STK38L: variants seen among roughly 807,000 people sequenced by gnomAD.
STK38L encodes the protein serine/threonine-protein kinase 38-like.
A neutral mutation model predicts 59.7 loss-of-function variants in STK38L; 28 were observed. That is an observed-to-expected ratio of 0.47 (90% CI 0.35 to 0.64). STK38L has a LOEUF of 0.64. Ranked by LOEUF, STK38L falls within the 30% of genes least tolerant of loss-of-function variation. STK38L has a pLI of 0.01. For missense variants in STK38L, 314 were observed against 555.8 expected (o/e 0.56, Z 4.37); for synonymous variants, 162 against 176.8 (o/e 0.92, Z 0.66).
At chr12:27,288,579 T>G (rs1943829314) in intron 1 of STK38L, among the ~76,000 whole-genome samples, 1 of 152,100 alleles carries the variant, frequency 6.6e-6, no homozygotes, top group South Asian at 2.1e-4. Flanking sequence ...CTGTAATATC[T>G]GTCTTTCCCC....
At chr12:27,293,875 C>G (rs1943950858) in intron 1 of STK38L, 1 of 152,156 alleles carries the variant, frequency 6.6e-6, no homozygotes, top group African/African-American at 2.4e-5. Context: ...GGGTCTTTAC[C>G]TTTTGTTAAG....
rs1190851075 is a variant in STK38L, at chr12:27,317,951, C to T, written c.1011C>T (p.Asn337=). ...TPQETYRKVM[N]WKETLVFPPE... is the part of the protein sequence containing the mutation. Reference sequence around the variant, plus strand: ...AAGAAACGTACAGAAAAGTGATGAACTGGAAAGAAACTCTGGTATTTCCTC... The same window carrying T: ...AAGAAACGTACAGAAAAGTGATGAATTGGAAAGAAACTCTGGTATTTCCTC... Residue 337 remains asparagine, a synonymous_variant, in exon 11 of 14, where the codon AAC becomes AAT. Coordinates refer to ENST00000389032, the MANE Select transcript of STK38L (RefSeq NM_015000.4). 1.9e-6 allele frequency: 3 copies of T among 1,614,022 alleles called. No homozygotes were observed. Among genetic ancestry groups the T allele is most frequent in the Non-Finnish European group, 1.7e-6 (2 of 1,179,938 alleles).
At position 27,322,139 on chromosome 12, in the gene STK38L, A is replaced by G. The variant is rs368521832; in HGVS notation, c.1176-4A>G. On this transcript the variant is annotated splice_region_variant and splice_polypyrimidine_tract_variant and intron_variant, in intron 12 of 13. Transcript: ENST00000389032. ...TACCATGCATACTTAATACCTTTTT[A>G]TAGGGAAAGGCCAGCAGCAATCCCT... is the stretch of plus-strand genomic sequence containing the variant. 1 of 1,609,966 alleles carries G rather than the reference A, an allele frequency of 6.2e-7. No homozygotes were observed. Among genetic ancestry groups the G allele is most frequent in the Non-Finnish European group, 8.5e-7 (1 of 1,178,934 alleles).
In STK38L at chr12:27,244,299, A is replaced by G. The variant is rs905965976; in HGVS notation, c.-45A>G. On this transcript the variant is annotated 5_prime_UTR_variant, in exon 1 of 14. Coordinates refer to ENST00000389032, the MANE Select transcript of STK38L (RefSeq NM_015000.4). ...GCCCGGCCGGCTGCGGTCCGTGCGG[A>G]GGCTGAGCCGGCCGCGGGCGCGACC... The G allele has an allele frequency of 6.6e-6, 1 of 152,226 alleles. No homozygotes were observed. The highest frequency in any genetic ancestry group is 1.5e-5 in the Non-Finnish European group (1 of 68,070). 9.4% of individuals were successfully genotyped at this position (152,226 alleles called of 1,614,324 possible). A position where few individuals can be genotyped will look rare whatever the true frequency, so the allele number is the denominator to read the frequency against.
chr12:27,293,847 C>A (rs1197525717), intron 1 of STK38L: 1 of 152,134 alleles, frequency 6.6e-6, no homozygotes, highest in Non-Finnish European at 1.5e-5. Context: ...ATATATAAGG[C>A]CTTGGACAAC....
At chr12:27,250,866 G>C (rs1942957929) in intron 1 of STK38L, among the ~76,000 whole-genome samples, 1 of 151,946 alleles carries the variant, frequency 6.6e-6, no homozygotes. Context: ...GGGCGTGGTG[G>C]CGGGCACCTG....
At chr12:27,251,614 G>A (rs1464364168) in intron 1 of STK38L, among the ~76,000 whole-genome samples, 1 of 152,212 alleles carries the variant, frequency 6.6e-6, no homozygotes, top group African/African-American at 2.4e-5. Flanking sequence ...ATTAGTTGAT[G>A]AGACAAGGTT....
At chr12:27,282,914 A>G (rs1436694049) in intron 1 of STK38L, among the ~76,000 whole-genome samples, 2 of 152,204 alleles carry the variant, frequency 1.3e-5, no homozygotes, top group African/African-American at 4.8e-5. Context: ...TGGCTTCACC[A>G]TGTCTAGCTG....
Position 27,322,611 on chromosome 12 carries a change from T to C in STK38L, c.*156T>C. The C allele has an allele frequency of 9.6e-7, 1 of 1,043,958 alleles. No individual in the cohort carries two copies. Among genetic ancestry groups the C allele is most frequent in the Non-Finnish European group, 1.3e-6 (1 of 773,164 alleles). The allele number at this position is 1,043,958 out of a possible 1,614,324, so 64.7% of individuals were successfully genotyped here. A position where few individuals can be genotyped will look rare whatever the true frequency, so the allele number is the denominator to read the frequency against. On this transcript the variant is annotated 3_prime_UTR_variant, in exon 14 of 14. Transcript: ENST00000389032. Reference sequence around the variant, plus strand: ...ACAGGATTAGGATTTCTAAGACTACTATAGGAATTGGTTGGCAGTGCCAGC... The same window carrying C: ...ACAGGATTAGGATTTCTAAGACTACCATAGGAATTGGTTGGCAGTGCCAGC...
chr12:27,258,076 C>T (rs184255329), intron 1 of STK38L, among the ~76,000 whole-genome samples: 4 of 151,994 alleles, frequency 2.6e-5, no homozygotes, highest in East Asian at 1.9e-4. Context: ...AGGCTGGTCT[C>T]GAATTCCTGA....
At chr12:27,271,085 A>C (rs1232956460) in intron 1 of STK38L, among the ~76,000 whole-genome samples, 1 of 152,206 alleles carries the variant, frequency 6.6e-6, no homozygotes, top group East Asian at 1.9e-4. Flanking sequence ...AGTGCATTAC[A>C]TATATTAACT....
intron 1 of STK38L, among the ~76,000 whole-genome samples, chr12:27,294,870 C>G (rs1477024410): frequency 6.7e-5 from 10 of 148,856 alleles, no homozygotes; most frequent in Admixed American, 6.0e-4. Flanking sequence ...ACTACCACAC[C>G]TAGCTAAGTA....
chr12:27,304,024 G>A (rs1944244851), intron 3 of STK38L, among the ~76,000 whole-genome samples: 1 of 152,116 alleles, frequency 6.6e-6, no homozygotes, highest in South Asian at 2.1e-4. Flanking sequence ...CACTTTGGGA[G>A]GCCAAGATGG....
chr12:27,302,454 T>TA, intron 3 of STK38L: 1 of 266,480 alleles, frequency 3.8e-6, no homozygotes, highest in East Asian at 6.9e-5. Flanking sequence ...CGGGAGGAAT[T>TA]AATCAATCGT....
In STK38L at chr12:27,281,155, G is replaced by T. The variant is rs1186987203; in HGVS notation, c.-11-16555G>T. Reference sequence around the variant, plus strand: ...GGCTGGAGTGCAGTGGCGGGATCTCGGCTCACTGCAAGCTCCGCCTCCCGG... The same window carrying T: ...GGCTGGAGTGCAGTGGCGGGATCTCTGCTCACTGCAAGCTCCGCCTCCCGG... On this transcript the variant is annotated intron_variant, in intron 1 of 13. Coordinates refer to ENST00000389032, the MANE Select transcript of STK38L (RefSeq NM_015000.4). 5.5e-4 allele frequency among the ~76,000 whole-genome samples: 2 copies of T among 3,650 alleles called. 1 individual carries two copies. The highest frequency in any genetic ancestry group is 1.9e-3 in the African/African-American group (2 of 1,078). The allele number at this position is 3,650 out of a possible 152,430, so 2.4% of individuals were successfully genotyped here.
At position 27,297,773 on chromosome 12, in the gene STK38L, G is replaced by A. The variant is rs1376483908; in HGVS notation, c.53G>A (p.Arg18Gln). 4.3e-6 allele frequency: 7 copies of A among 1,613,916 alleles called. No homozygotes were observed. The highest frequency in any genetic ancestry group is 2.7e-5 in the African/African-American group (2 of 74,900). Reference sequence around the variant, plus strand: ...ACCTTTCCTATGAGCAACCATACCCGGGAAAGAGTGACTGTAGCCAAGCTC... The same window carrying A: ...ACCTTTCCTATGAGCAACCATACCCAGGAAAGAGTGACTGTAGCCAAGCTC... ...TTTFPMSNHTRERVTVAKLTL... is the reference protein window; with the variant it reads ...TTTFPMSNHTQERVTVAKLTL... The change falls in exon 2 of 14, where the codon CGG becomes CAG. Residue 18 changes from arginine to glutamine, a missense_variant. This residue lies in a region of STK38L where 192 missense variants were observed against 316.9 expected (regional missense o/e 0.61). Coordinates refer to ENST00000389032, the MANE Select transcript of STK38L (RefSeq NM_015000.4).
intron 3 of STK38L, among the ~76,000 whole-genome samples, chr12:27,304,819 G>T (rs1944268169): frequency 6.6e-6 from 1 of 151,942 alleles, no homozygotes; most frequent in Admixed American, 6.5e-5. Context: ...GGCCAGGTTG[G>T]TTTCATAGTG....
At chr12:27,253,743 C>T (rs573107190) in intron 1 of STK38L, among the ~76,000 whole-genome samples, 1 of 152,154 alleles carries the variant, frequency 6.6e-6, no homozygotes, top group South Asian at 2.1e-4. Flanking sequence ...TGTTTCAGGC[C>T]GAGAAGCCTC....
intron 1 of STK38L, among the ~76,000 whole-genome samples, chr12:27,247,101 A>G (rs1352148963): frequency 6.6e-6 from 1 of 152,254 alleles, no homozygotes; most frequent in Non-Finnish European, 1.5e-5. Context: ...ATCTAGTCAT[A>G]TGATAATGAT....
Sources: allele counts gnomAD v4.1 joint callset (sites outside exome capture counted in the v4.1 genomes callset), GRCh38; gene constraint gnomAD v4.1.1; regional missense constraint gnomAD v4.1.1; transcripts MANE v1.5; gene names NCBI Gene and HGNC (gene_info 2026-07-23, HGNC 2026-07-21).